GPLD1: variants seen among roughly 807,000 people sequenced by gnomAD.
The protein encoded by GPLD1 is glycosylphosphatidylinositol specific phospholipase D1.
Under a neutral mutation model 112.6 loss-of-function variants are expected in GPLD1, and 84 were observed. That is an observed-to-expected ratio of 0.75 (90% CI 0.63 to 0.89). The LOEUF is 0.89. GPLD1 is among the 40% of genes least tolerant of loss of function. GPLD1 has a pLI of 0.00. For missense variants in GPLD1, 1,044 were observed against 1,051.5 expected, an observed-to-expected ratio of 0.99 and a Z score of 0.10; for synonymous variants, 386 against 403.8, an observed-to-expected ratio of 0.96 and a Z score of 0.53.
chr6:24,462,764 T>A lies in GPLD1; in HGVS notation c.853A>T (p.Ile285Phe), dbSNP rs1561845398. The A allele has an allele frequency of 1.9e-6, 3 of 1,613,504 alleles. No individual in the cohort carries two copies. The African/African-American group carries it at 4.0e-5, about 22-fold the overall frequency. Residue 285 changes from isoleucine (I) to phenylalanine (F), a missense_variant, in exon 11 of 25, where the codon ATT becomes TTT. By Grantham distance (21) the Ile-to-Phe change is conservative. Transcript: ENST00000230036. ...DCNLPENPLF[I>F]ACGGQQNHTQ... Reference sequence around the variant, plus strand: ...TGGTTTTGCTGGCCGCCACATGCAATGAACAGAGGGTTCTCAGGCAGGTTG... The same window carrying A: ...TGGTTTTGCTGGCCGCCACATGCAAAGAACAGAGGGTTCTCAGGCAGGTTG...
chr6:24,446,858 C>T lies in GPLD1; in HGVS notation c.1800G>A (p.Pro600=), dbSNP rs371832777. The T allele has an allele frequency of 9.3e-6, 15 of 1,613,560 alleles. No homozygotes were observed. Among genetic ancestry groups the T allele is most frequent in the East Asian group, 2.2e-5 (1 of 44,868 alleles). ...CTCACCTGCTGGCATTCTTCCAGGT[C>T]GGGCTCCCAACCAACAGCAAGGTTC... ...DNRTLLLVGS[P]TWKNASRLGH... is the part of the protein sequence containing the mutation. The change falls in exon 18 of 25, where the codon CCG becomes CCA. Residue 600 remains proline, a synonymous_variant. Transcript: ENST00000230036.
rs149642417 is a variant in GPLD1 at position 24,446,968 on chromosome 6, C to A, written c.1690G>T (p.Val564Leu). 5 of 1,612,922 alleles carry A rather than the reference C, an allele frequency of 3.1e-6. No individual in the cohort carries two copies. Among genetic ancestry groups the A allele is most frequent in the East Asian group, 4.5e-5 (2 of 44,824 alleles). The part of the protein sequence containing the change: ...PSLSDKEKLN[V>L]EAANWTVRGE... ...CTCACCGTCCAGTTGGCTGCCTCCA[C>A]GTTCAGTTTTTCTAAAGAAGACAAC... The change falls in exon 18 of 25, where the codon GTG becomes TTG. Residue 564 changes from valine to leucine, a missense_variant. By Grantham distance (32) the Val-to-Leu change is conservative (BLOSUM62 1). Coordinates refer to ENST00000230036, the MANE Select transcript of GPLD1 (RefSeq NM_001503.4).
rs1254730579 is a variant in GPLD1, at chr6:24,495,050, G to A, written n.156C>T. The A allele has an allele frequency of 3.0e-6, 4 of 1,355,060 alleles. No individual in the cohort carries two copies. The highest frequency in any genetic ancestry group is 3.8e-6 in the Non-Finnish European group (4 of 1,055,884). 83.9% of individuals were successfully genotyped at this position (1,355,060 alleles called of 1,614,324 possible). On this transcript the variant is annotated non_coding_transcript_exon_variant, in exon 1 of 11. Coordinates refer to the GPLD1 transcript ENST00000474784. ...GTGGGGCCCGGCGCCTCGGGTCGAC[G>A]TTTCCAGGCTGCCGCCTCCGCCCCC...
rs71002496 is a variant in GPLD1, at chr6:24,442,422, ATTTTTTTTTTTTTTTTTTTTTTTTTTT to A, written c.2020+3097_2020+3123del. On this transcript the variant is annotated intron_variant, in intron 20 of 24. Transcript: ENST00000230036. The stretch of plus-strand genomic sequence containing the variant: ...AGGTGCATGCCACCACATCTGGCTA[ATTTTTTTTTTTTTTTTTTTTTTTTTTT>A]TTTTTTTTTTTTTGAGATGGAATTT... 6.6e-5 allele frequency among the ~76,000 whole-genome samples: 4 copies of A among 60,618 alleles called. No individual in the cohort carries two copies. In the Admixed American group the frequency reaches 7.9e-4, roughly 12 times the overall value. The allele number at this position is 60,618 out of a possible 152,430, so 39.8% of individuals were successfully genotyped here.
At chr6:24,450,920 C>T (rs1162978325) in intron 14 of GPLD1, among the ~76,000 whole-genome samples, 2 of 152,014 alleles carry the variant, frequency 1.3e-5, no homozygotes, top group Admixed American at 6.6e-5. Flanking sequence ...TGCAGTGAGC[C>T]GAGATCATGC....
At chr6:24,442,191 T>G (rs560382076) in intron 20 of GPLD1, among the ~76,000 whole-genome samples, 10 of 149,796 alleles carry the variant, frequency 6.7e-5, no homozygotes, top group African/African-American at 2.4e-4. Context: ...GGTGTGATCA[T>G]AGCTCACTGC....
rs949118463 is a variant in GPLD1 at position 24,427,308 on chromosome 6, G to A, written c.*1724C>T. Among the ~76,000 whole-genome samples, 2 of 152,116 alleles carry A rather than the reference G, an allele frequency of 1.3e-5. No homozygotes were observed. The highest frequency in any genetic ancestry group is 1.9e-4 in the East Asian group (1 of 5,190). ...GAGGCCAAGGCCTGCTTTCCTCTCC[G>A]GCCCTTACAGTAGCGTGTGGCTCAG... is the stretch of plus-strand genomic sequence containing the variant. On this transcript the variant is annotated 3_prime_UTR_variant, in exon 25 of 25. Coordinates refer to ENST00000230036, the MANE Select transcript of GPLD1 (RefSeq NM_001503.4).
chr6:24,479,995 G>C (rs1764148030), intron 2 of GPLD1, 36 bp from the exon 3 acceptor site: 2 of 1,315,168 alleles, frequency 1.5e-6, no homozygotes, highest in African/African-American at 2.9e-5. Flanking sequence ...TAAGGGGCAG[G>C]AGTCAACAGC....
chr6:24,447,871 C>T lies in GPLD1; in HGVS notation c.1678+6G>A, dbSNP rs755420401. On this transcript the variant is annotated splice_donor_region_variant and intron_variant, in intron 17 of 24. Transcript: ENST00000230036. ...ATGGTCTCACCCATTCCCCCTCAGG[C>T]ACTACCTTTGTCGCTCAGGCTGGGG... 4 of 1,613,534 alleles carry T rather than the reference C, an allele frequency of 2.5e-6. No individual in the cohort carries two copies. The South Asian group carries it at 3.3e-5, about 13-fold the overall frequency.
intron 1 of GPLD1, among the ~76,000 whole-genome samples, chr6:24,487,374 A>T (rs1443845732): frequency 6.6e-6 from 1 of 152,186 alleles, no homozygotes; most frequent in Non-Finnish European, 1.5e-5. Context: ...AATTCTCAGA[A>T]TCCGTGCAGA....
intron 7 of GPLD1, among the ~76,000 whole-genome samples, chr6:24,471,903 A>G (rs567749999): frequency 6.6e-5 from 10 of 152,308 alleles, no homozygotes; most frequent in African/African-American, 2.4e-4. Flanking sequence ...GATTTCTTAA[A>G]TAAGACATCA....
Position 24,466,727 on chromosome 6 carries a change from G to C in GPLD1, c.774C>G (p.Ser258=), listed in dbSNP as rs760668961. 1 of 1,611,456 alleles carries C rather than the reference G, an allele frequency of 6.2e-7. No homozygotes were observed. The highest frequency in any genetic ancestry group is 1.1e-5 in the South Asian group (1 of 91,014). Residue 258 remains serine, a synonymous_variant, in exon 10 of 25, where the codon TCC becomes TCG. Coordinates refer to ENST00000230036, the MANE Select transcript of GPLD1 (RefSeq NM_001503.4). ...AGCTTGTTAGATGGTAAATATTAGTGGACCAAAATGCCATATCATCCAGTC... is the reference window on the plus strand; with the variant it reads ...AGCTTGTTAGATGGTAAATATTAGTCGACCAAAATGCCATATCATCCAGTC... The part of the protein sequence containing the change: ...LGGLDDMAFW[S]TNIYHLTSFM...
At chr6:24,454,874 A>G (rs1763217221) in intron 13 of GPLD1, among the ~76,000 whole-genome samples, 1 of 152,250 alleles carries the variant, frequency 6.6e-6, no homozygotes, top group Non-Finnish European at 1.5e-5. Flanking sequence ...CACGCCTGTA[A>G]TCCCAGCACT....
upstream of GPLD1, among the ~76,000 whole-genome samples, chr6:24,493,401 G>A (rs369275140): frequency 4.6e-5 from 7 of 152,286 alleles, no homozygotes; most frequent in East Asian, 3.9e-4. Context: ...GCTTGAACCC[G>A]GGAGGCGGAA....
Position 24,440,070 on chromosome 6 carries a change from A to AAACAC in GPLD1, c.2021-2786_2021-2782dup, listed in dbSNP as rs1423237222. On this transcript the variant is annotated intron_variant, in intron 20 of 24. Coordinates refer to ENST00000230036, the MANE Select transcript of GPLD1 (RefSeq NM_001503.4). ...AGCAGAAAACAAAAGAGCTATTGTG[A>AAACAC]AACACAGGTGCATCTCACCAACTCT... Among the ~76,000 whole-genome samples the AAACAC allele has an allele frequency of 2.0e-5, 3 of 151,606 alleles. No individual in the cohort carries two copies. In the East Asian group the frequency reaches 6.0e-4, roughly 30 times the overall value.
intron 10 of GPLD1, among the ~76,000 whole-genome samples, 193 bp downstream of exon 10, chr6:24,466,487 T>C (rs1366379995): frequency 6.6e-6 from 1 of 152,236 alleles, no homozygotes; most frequent in African/African-American, 2.4e-5. Flanking sequence ...CCAAGCCAAC[T>C]GGATGGGAAC....
intron 7 of GPLD1, among the ~76,000 whole-genome samples, chr6:24,471,620 A>C (rs1581774364): frequency 1.3e-5 from 2 of 152,320 alleles, no homozygotes; most frequent in South Asian, 4.1e-4. Context: ...CAAAAAATTA[A>C]CTCCAGTTAA....
intron 11 of GPLD1, among the ~76,000 whole-genome samples, chr6:24,461,175 G>A (rs900802321): frequency 6.6e-6 from 1 of 152,158 alleles, no homozygotes; most frequent in South Asian, 2.1e-4. Flanking sequence ...AATGACTGAA[G>A]TAGGGAGTGG....
intron 1 of GPLD1, chr6:24,494,793 A>C: frequency 2.0e-6 from 1 of 505,974 alleles, no homozygotes; most frequent in Non-Finnish European, 3.0e-6. Flanking sequence ...CGCTTAGGGC[A>C]AGGTGCAGAG....
Sources: allele counts gnomAD v4.1 joint callset (sites outside exome capture counted in the v4.1 genomes callset), GRCh38; gene constraint gnomAD v4.1.1; transcripts MANE v1.5; gene names NCBI Gene and HGNC (gene_info 2026-07-23, HGNC 2026-07-21).